The following SLC25A27 variants were observed in gnomAD, a reference collection of about 807,000 sequenced individuals.
SLC25A27 encodes the protein mitochondrial uncoupling protein 4.
SLC25A27 carries 35 observed loss-of-function variants against 49.1 expected under a neutral mutation model. The ratio of observed to expected loss-of-function variants is 0.71; its 90% CI spans 0.54 to 0.95. SLC25A27 has a LOEUF of 0.95. SLC25A27 is among the 40% of genes least tolerant of loss of function. The pLI, the probability that SLC25A27 is intolerant of heterozygous loss-of-function variation, is 0.00. For missense variants in SLC25A27, 339 were observed against 397.1 expected (o/e 0.85, Z 1.24); for synonymous variants, 144 against 136.9 (o/e 1.05, Z -0.36).
chr6:46,671,139 A>G lies in SLC25A27; in HGVS notation c.811A>G (p.Lys271Glu). The G allele has an allele frequency of 5.6e-6, 9 of 1,597,626 alleles. No individual in the cohort carries two copies. Among genetic ancestry groups the G allele is most frequent in the Non-Finnish European group, 7.7e-6 (9 of 1,173,218 alleles). The change falls in exon 8 of 9, where the codon AAA becomes GAA. Residue 271 changes from lysine (K) to glutamate (E), a missense_variant. Transcript: ENST00000371347. The stretch of plus-strand genomic sequence containing the variant: ...TTTCCTTTTTAGGGGACTTTTGTAT[A>G]AATCATCGACTGACTGCTTGATTCA... ...RDKQGRGLLY[K>E]SSTDCLIQAV...
rs1762884560 is a variant in SLC25A27, at chr6:46,654,188, A to C, written c.106+890A>C. On this transcript the variant is annotated intron_variant, in intron 1 of 8. Coordinates refer to ENST00000371347, the MANE Select transcript of SLC25A27 (RefSeq NM_004277.5). The stretch of plus-strand genomic sequence containing the variant: ...TGTGAAGCCTTAACTGTGTATTTTA[A>C]GATTACCCTTACATTTTCTTGCCTG... 7.6e-6 allele frequency: 7 copies of C among 915,300 alleles called. No homozygotes were observed. The South Asian group carries it at 3.0e-4, about 40-fold the overall frequency. 56.7% of individuals were successfully genotyped at this position (915,300 alleles called of 1,614,324 possible).
At chr6:46,655,410 A>G (rs1256945840) in intron 1 of SLC25A27, among the ~76,000 whole-genome samples, 8 of 152,166 alleles carry the variant, frequency 5.3e-5, no homozygotes, top group Non-Finnish European at 1.0e-4. Context: ...AGGATAGCAC[A>G]CAATATGGTA....
intron 6 of SLC25A27, among the ~76,000 whole-genome samples, chr6:46,669,702 T>C (rs912917700): frequency 2.0e-5 from 3 of 152,220 alleles, no homozygotes; most frequent in African/African-American, 4.8e-5. Flanking sequence ...TTCATATACA[T>C]GTGTCCTTTG....
At chr6:46,672,386 T>C (rs939931989) in intron 8 of SLC25A27, among the ~76,000 whole-genome samples, 3 of 151,982 alleles carry the variant, frequency 2.0e-5, no homozygotes, top group East Asian at 1.9e-4. Context: ...GGGCACCAGT[T>C]TGAAGAAATA....
intron 3 of SLC25A27, among the ~76,000 whole-genome samples, chr6:46,661,253 C>T (rs934148070): frequency 6.6e-6 from 1 of 151,856 alleles, no homozygotes; most frequent in African/African-American, 2.4e-5. Context: ...AATGTATGTG[C>T]TCATCATTGT....
intron 2 of SLC25A27, among the ~76,000 whole-genome samples, chr6:46,656,719 A>G (rs1762994325): frequency 6.6e-6 from 1 of 152,182 alleles, no homozygotes; most frequent in East Asian, 1.9e-4. Context: ...GTGCCCAGCC[A>G]GAACACATAT....
At chr6:46,671,265 G>T in intron 8 of SLC25A27, 37 bp downstream of exon 8, 1 of 1,202,288 alleles carries the variant, frequency 8.3e-7, no homozygotes, top group Non-Finnish European at 1.2e-6. Context: ...TTTTTTCTTT[G>T]TACTTAAATT....
intron 2 of SLC25A27, 125 bp from the exon 3 acceptor site, chr6:46,658,837 A>G (rs780432840): frequency 1.1e-5 from 8 of 758,790 alleles, no homozygotes; most frequent in East Asian, 5.0e-5. Flanking sequence ...CACCGGCCCC[A>G]TGAGACAAAG....
intron 2 of SLC25A27, among the ~76,000 whole-genome samples, 170 bp downstream of exon 2, chr6:46,656,204 G>C (rs1456888816): frequency 6.6e-6 from 1 of 150,850 alleles, no homozygotes; most frequent in Non-Finnish European, 1.5e-5. Flanking sequence ...TTTTTGAGAT[G>C]GAGTCACACT....
At chr6:46,664,291 T>C (rs1763255798) in intron 4 of SLC25A27, among the ~76,000 whole-genome samples, 1 of 152,226 alleles carries the variant, frequency 6.6e-6, no homozygotes, top group Non-Finnish European at 1.5e-5. Flanking sequence ...ATTCTTCCGT[T>C]TTAAGAACTT....
chr6:46,671,626 A>G (rs2150655703), intron 8 of SLC25A27, among the ~76,000 whole-genome samples: 1 of 152,172 alleles, frequency 6.6e-6, no homozygotes, highest in South Asian at 2.1e-4. Flanking sequence ...TTACTTTGAT[A>G]GCAGATGTTA....
chr6:46,668,897 A>G (rs1763415780), intron 6 of SLC25A27, 104 bp downstream of exon 6: 1 of 684,862 alleles, frequency 1.5e-6, no homozygotes, highest in Non-Finnish European at 2.6e-6. Context: ...TTGTACTGGC[A>G]TCACCTTTAG....
chr6:46,653,507 A>C (rs1762844975), intron 1 of SLC25A27: 2 of 985,394 alleles, frequency 2.0e-6, no homozygotes, highest in Non-Finnish European at 2.4e-6. Context: ...ATCTCTTCTA[A>C]TGCTTCCCTT....
chr6:46,660,230 CTG>C (rs140354056), intron 3 of SLC25A27, among the ~76,000 whole-genome samples: 18 of 147,370 alleles, frequency 1.2e-4, no homozygotes, highest in Admixed American at 1.4e-4. Context: ...ACCTCTGTGT[CTG>C]TGTGTGTGTG....
chr6:46,653,726 G>A, intron 1 of SLC25A27: 1 of 985,264 alleles, frequency 1.0e-6, no homozygotes, highest in Non-Finnish European at 1.2e-6. Context: ...CCTACCTTGT[G>A]GGACTTCCGT....
intron 2 of SLC25A27, among the ~76,000 whole-genome samples, chr6:46,658,180 C>T (rs1223065034): frequency 2.0e-5 from 3 of 152,174 alleles, no homozygotes; most frequent in African/African-American, 7.2e-5. Context: ...TAGCGTGTAT[C>T]ATCAAAAACT....
chr6:46,675,422 C>A (rs533636960), intron 8 of SLC25A27, among the ~76,000 whole-genome samples: 1 of 152,238 alleles, frequency 6.6e-6, no homozygotes, highest in South Asian at 2.1e-4. Context: ...TCTATGTCAT[C>A]ATACCTTTAA....
intron 2 of SLC25A27, among the ~76,000 whole-genome samples, chr6:46,656,347 A>ATTTTT (rs771129922): frequency 7.3e-6 from 1 of 136,132 alleles, no homozygotes; most frequent in Non-Finnish European, 1.6e-5. Flanking sequence ...CACCCAGCTA[A>ATTTTT]TTTTTTTTTT....
intron 5 of SLC25A27, among the ~76,000 whole-genome samples, chr6:46,667,070 A>G (rs1410800299): frequency 1.3e-5 from 2 of 151,976 alleles, no homozygotes; most frequent in Non-Finnish European, 2.9e-5. Context: ...TTGCCCCACT[A>G]TGCCTTTGAA....
Sources: allele counts gnomAD v4.1 joint callset (sites outside exome capture counted in the v4.1 genomes callset), GRCh38; gene constraint gnomAD v4.1.1; transcripts MANE v1.5; gene names NCBI Gene and HGNC (gene_info 2026-07-23, HGNC 2026-07-21).